Variants in KIFAP3 observed in about 807,000 individuals in gnomAD.
The protein encoded by KIFAP3 is kinesin-associated protein 3.
A neutral mutation model predicts 106.5 loss-of-function variants in KIFAP3; 68 were observed. That is an observed-to-expected ratio of 0.64 (90% CI 0.53 to 0.78). The LOEUF (loss-of-function observed/expected upper bound fraction) is 0.78. KIFAP3 is among the 30% of genes least tolerant of loss of function. KIFAP3 has a pLI of 0.00. For synonymous variants in KIFAP3, 320 were observed against 311.5 expected, an observed-to-expected ratio of 1.03 and a Z score of -0.29; for missense variants, 780 against 941.8, an observed-to-expected ratio of 0.83 and a Z score of 2.25.
At chr1:169,959,119 C>T (rs2101857491) in intron 18 of KIFAP3, among the ~76,000 whole-genome samples, 1 of 152,250 alleles carries the variant, frequency 6.6e-6, no homozygotes, top group Admixed American at 6.5e-5. Context: ...TCAGAAACAG[C>T]CTAAATTTTC....
At chr1:170,000,101 G>GT (rs1295236429) in intron 10 of KIFAP3, among the ~76,000 whole-genome samples, 1 of 151,990 alleles carries the variant, frequency 6.6e-6, no homozygotes, top group Non-Finnish European at 1.5e-5. Flanking sequence ...TACTAATTTT[G>GT]TAAGACACTT....
chr1:170,048,599 C>G (rs1670395036), intron 2 of KIFAP3, among the ~76,000 whole-genome samples: 1 of 151,590 alleles, frequency 6.6e-6, no homozygotes, highest in East Asian at 2.0e-4. Flanking sequence ...GAGACCAACG[C>G]AAAAGGTGGG....
At chr1:169,989,137 C>A (rs1326162652) in intron 11 of KIFAP3, among the ~76,000 whole-genome samples, 1 of 151,960 alleles carries the variant, frequency 6.6e-6, no homozygotes, top group Non-Finnish European at 1.5e-5. Flanking sequence ...GAGCAATTTT[C>A]TGTATACACA....
chr1:169,923,996 T>TC (rs1662979389), intron 19 of KIFAP3, among the ~76,000 whole-genome samples: 2 of 151,764 alleles, frequency 1.3e-5, no homozygotes, highest in African/African-American at 4.8e-5. Context: ...TCCCCCTTTT[T>TC]TTTATTTCTA....
intron 1 of KIFAP3, among the ~76,000 whole-genome samples, chr1:170,079,795 C>A (rs1034545949): frequency 2.0e-5 from 3 of 149,688 alleles, no homozygotes; most frequent in African/African-American, 7.4e-5. Flanking sequence ...TTTAATATTT[C>A]TATTAAAAGA....
At chr1:169,959,274 C>T (rs1665192027) in intron 18 of KIFAP3, among the ~76,000 whole-genome samples, 1 of 152,056 alleles carries the variant, frequency 6.6e-6, no homozygotes, top group Non-Finnish European at 1.5e-5. Context: ...TGAGACACAT[C>T]AAGAAATGCT....
intron 10 of KIFAP3, among the ~76,000 whole-genome samples, chr1:169,993,616 A>ATCACGCCTGTAATCCC (rs1257605076): frequency 0.018 from 2,306 of 129,168 alleles, 1,153 homozygotes; most frequent in Middle Eastern, 0.046. Context: ...AGGGTCTAGC[A>ATCACGCCTGTAATCCC]AGCTTCAGGC....
chr1:169,979,569 A>G (rs1571597787), intron 15 of KIFAP3, among the ~76,000 whole-genome samples: 4 of 152,288 alleles, frequency 2.6e-5, no homozygotes, highest in Admixed American at 2.6e-4. Flanking sequence ...TTAGGGAAAT[A>G]CAAATTAAAA....
intron 1 of KIFAP3, among the ~76,000 whole-genome samples, chr1:170,062,653 A>G (rs544749271): frequency 1.2e-4 from 19 of 152,172 alleles, no homozygotes; most frequent in Non-Finnish European, 1.9e-4. Flanking sequence ...AGAAACAACC[A>G]ATTGTATGAG....
chr1:169,927,141 T>C (rs1343403492), intron 19 of KIFAP3, among the ~76,000 whole-genome samples: 1 of 152,178 alleles, frequency 6.6e-6, no homozygotes, highest in African/African-American at 2.4e-5. Flanking sequence ...TCTATTGTAA[T>C]AGTGACTCTA....
chr1:169,956,610 CTTTTT>C (rs1163823729), intron 18 of KIFAP3, among the ~76,000 whole-genome samples: 5 of 117,426 alleles, frequency 4.3e-5, no homozygotes, highest in Non-Finnish European at 5.1e-5. Flanking sequence ...CACTGAAGTT[CTTTTT>C]TTTTTTTTTT....
intron 7 of KIFAP3, chr1:170,032,210 T>C: frequency 2.5e-6 from 1 of 404,750 alleles, no homozygotes; most frequent in Non-Finnish European, 4.5e-6. Context: ...CAAACTTTTT[T>C]ATGTAGCCCA....
At chr1:169,926,274 ATTC>A (rs1486331619) in intron 19 of KIFAP3, among the ~76,000 whole-genome samples, 4 of 152,156 alleles carry the variant, frequency 2.6e-5, no homozygotes, top group Non-Finnish European at 5.9e-5. Flanking sequence ...AAGGAGTCCA[ATTC>A]TTCTTTGATA....
Position 170,055,445 on chromosome 1 carries a change from C to A in KIFAP3, c.33-9G>T. On this transcript the variant is annotated splice_polypyrimidine_tract_variant and intron_variant, in intron 1 of 19. Coordinates refer to ENST00000361580, the MANE Select transcript of KIFAP3 (RefSeq NM_014970.4). Reference sequence around the variant, plus strand: ...TCCCTCCTTTAACTTTCCTATAATACAAAATTGAAATGATATAACCAGATT... The same window carrying A: ...TCCCTCCTTTAACTTTCCTATAATAAAAAATTGAAATGATATAACCAGATT... The A allele has an allele frequency of 3.8e-6, 6 of 1,570,572 alleles. No individual in the cohort carries two copies. Among genetic ancestry groups the A allele is most frequent in the Non-Finnish European group, 5.2e-6 (6 of 1,160,638 alleles).
At chr1:169,992,286 A>T in intron 10 of KIFAP3, 31 bp from the exon 11 acceptor site, 8 of 1,182,786 alleles carry the variant, frequency 6.8e-6, no homozygotes, top group Non-Finnish European at 9.6e-6. Context: ...TGATGATGCT[A>T]TAAATATATA....
chr1:170,064,030 T>C (rs1439361997), intron 1 of KIFAP3, among the ~76,000 whole-genome samples: 1 of 152,242 alleles, frequency 6.6e-6, no homozygotes, highest in Non-Finnish European at 1.5e-5. Flanking sequence ...TGTAAATAAC[T>C]TTTTTGCTAA....
intron 2 of KIFAP3, among the ~76,000 whole-genome samples, chr1:170,047,531 G>T (rs1381527606): frequency 3.5e-5 from 5 of 143,924 alleles, no homozygotes; most frequent in African/African-American, 1.3e-4. Flanking sequence ...TGAGGCAGCA[G>T]AATTGTTTGA....
In KIFAP3 at chr1:169,984,456, T is replaced by C. The variant is rs12079608; in HGVS notation, c.1393+126A>G. ...ATCTGACCTTTAAGGATTATAGCTA[T>C]AATGAAGAAATTATTTGAAAACAGG... On this transcript the variant is annotated intron_variant, in intron 12 of 19. Transcript: ENST00000361580. 7.5e-3 allele frequency: 3,503 copies of C among 465,746 alleles called. 98 individuals are homozygous for C. The highest frequency in any genetic ancestry group is 0.062 in the African/African-American group (3,112 of 50,552). 28.9% of individuals were successfully genotyped at this position (465,746 alleles called of 1,614,324 possible).
chr1:169,988,727 T>TAA (rs1215985059), intron 11 of KIFAP3, among the ~76,000 whole-genome samples: 2 of 152,018 alleles, frequency 1.3e-5, no homozygotes, highest in African/African-American at 4.8e-5. Context: ...ATTTTGCAAT[T>TAA]AACTTGGCAC....
Sources: allele counts gnomAD v4.1 joint callset (sites outside exome capture counted in the v4.1 genomes callset), GRCh38; gene constraint gnomAD v4.1.1; transcripts MANE v1.5; gene names NCBI Gene and HGNC (gene_info 2026-07-23, HGNC 2026-07-21).